The following COL12A1 variants were observed in gnomAD, a reference collection of about 807,000 sequenced individuals.
COL12A1 encodes the protein collagen alpha-1(XII) chain.
Under a neutral mutation model 349.7 loss-of-function variants are expected in COL12A1, and 114 were observed. The ratio of observed to expected loss-of-function variants is 0.33; its 90% CI spans 0.28 to 0.38. The LOEUF (loss-of-function observed/expected upper bound fraction) is 0.38, where lower values mean the gene tolerates loss of function less well. Ranked by LOEUF, COL12A1 falls within the 10% of genes least tolerant of loss-of-function variation. COL12A1 has a pLI of 1.00. For synonymous variants in COL12A1, 1,369 were observed against 1,329.0 expected, an observed-to-expected ratio of 1.03 and a Z score of -0.66; for missense variants, 3,284 against 3,756.9, an observed-to-expected ratio of 0.87 and a Z score of 3.29.
At chr6:75,184,257 G>A in intron 8 of COL12A1, 113 bp from the exon 9 acceptor site, 1 of 1,177,054 alleles carries the variant, frequency 8.5e-7, no homozygotes. Flanking sequence ...TAAATACATT[G>A]AAAAGAGTTG....
chr6:75,139,252 C>T (rs1046173487), intron 27 of COL12A1, among the ~76,000 whole-genome samples: 3 of 152,110 alleles, frequency 2.0e-5, no homozygotes, highest in African/African-American at 7.2e-5. Flanking sequence ...CTCTTTCACA[C>T]AGCAATACAC....
rs1202194413 is a variant in COL12A1, at chr6:75,183,100, T to A, written c.1841A>T (p.Gln614Leu). 1 of 1,614,180 alleles carries A rather than the reference T, an allele frequency of 6.2e-7. No individual in the cohort carries two copies. The highest frequency in any genetic ancestry group is 8.5e-7 in the Non-Finnish European group (1 of 1,180,028). Residue 614 changes from glutamine (Q) to leucine (L), a missense_variant, in exon 10 of 66, where the codon CAG (glutamine) becomes CTG (leucine). This residue lies in a region of COL12A1 where 2,601 missense variants were observed against 2,824.8 expected (regional missense o/e 0.92). Transcript: ENST00000322507. The part of the protein sequence containing the change: ...AFQRISFELT[Q>L]SICLRIEQEL... ...TTGCTCAATTCTAAGGCAGATAGAC[T>A]GTGTGAGTTCAAAAGATATCCTCTG...
chr6:75,143,453 G>A (rs916962490), intron 25 of COL12A1, 65 bp from the exon 26 acceptor site: 1 of 1,550,298 alleles, frequency 6.5e-7, no homozygotes, highest in Admixed American at 2.3e-5. Context: ...AAGCATCCAT[G>A]CAAGCTTTCA....
intron 10 of COL12A1, among the ~76,000 whole-genome samples, chr6:75,182,361 G>GC (rs989302396): frequency 1.8e-4 from 26 of 144,708 alleles, no homozygotes; most frequent in Admixed American, 1.6e-3. Context: ...CCCTCCCCCA[G>GC]CCCCCCCACC....
At chr6:75,135,935 G>C (rs1217061118) in intron 31 of COL12A1, among the ~76,000 whole-genome samples, 1 of 152,070 alleles carries the variant, frequency 6.6e-6, no homozygotes. Context: ...CTCCCATCCA[G>C]CTCCCCAAAA....
At chr6:75,095,229 C>A (rs959162497) in intron 59 of COL12A1, 50 bp from the exon 60 acceptor site, 1 of 1,412,142 alleles carries the variant, frequency 7.1e-7, no homozygotes, top group Admixed American at 1.8e-5. Flanking sequence ...GGGAAAATCC[C>A]ATCTAAAGTA....
chr6:75,200,893 T>C (rs1246928728), intron 2 of COL12A1, among the ~76,000 whole-genome samples: 2 of 151,366 alleles, frequency 1.3e-5, no homozygotes, highest in African/African-American at 4.9e-5. Context: ...AATATAATTA[T>C]TAAATACTAA....
rs1216082575 is a variant in COL12A1, at chr6:75,181,062, C to G, written c.2041G>C (p.Ala681Pro). Residue 681 changes from alanine (A) to proline (P), a missense_variant, in exon 11 of 66, where the codon GCA becomes CCA. Ala to Pro is a conservative substitution (Grantham distance 27). Transcript: ENST00000322507. ...CTGAGAACAACACTGGTGCTCGATG[C>G]TGGCTCCACCACAGTGACCTCATCA... ...GDDEVTVVEP[A>P]SSTSVVLSSL... 6.2e-7 allele frequency: 1 copy of G among 1,614,084 alleles called. No homozygotes were observed.
At chr6:75,181,998 G>C (rs982441350) in intron 10 of COL12A1, among the ~76,000 whole-genome samples, 3 of 151,504 alleles carry the variant, frequency 2.0e-5, no homozygotes, top group African/African-American at 4.9e-5. Context: ...GGGTAGGCTG[G>C]GGTGCGAGAA....
chr6:75,162,777 A>ATATCCAGAATCTACAAAGGGCTAT (rs1768091609), intron 14 of COL12A1, among the ~76,000 whole-genome samples: 1 of 152,252 alleles, frequency 6.6e-6, no homozygotes, highest in Non-Finnish European at 1.5e-5. Context: ...CAAAGGGCTA[A>ATATCCAGAATCTACAAAGGGCTAT]TATCCAGAAT....
At chr6:75,199,636 A>G (rs1770421294) in intron 2 of COL12A1, among the ~76,000 whole-genome samples, 1 of 152,220 alleles carries the variant, frequency 6.6e-6, no homozygotes, top group African/African-American at 2.4e-5. Flanking sequence ...GATAATTAAC[A>G]TACTGTATCA....
At chr6:75,114,263 A>C (rs1354659598) in intron 49 of COL12A1, among the ~76,000 whole-genome samples, 1 of 151,836 alleles carries the variant, frequency 6.6e-6, no homozygotes, top group Non-Finnish European at 1.5e-5. Flanking sequence ...TACACTTCCA[A>C]ATTTCTCCCC....
Position 75,134,726 on chromosome 6 carries a change from T to TGAGTAAGA in COL12A1, c.5523_5524insTCTTACTC (p.Lys1842SerfsTer6). 1 of 1,596,088 alleles carries TGAGTAAGA rather than the reference T, an allele frequency of 6.3e-7. No homozygotes were observed. The highest frequency in any genetic ancestry group is 1.1e-5 in the South Asian group (1 of 87,668). On this transcript the variant is annotated frameshift_variant and splice_region_variant, in exon 32 of 66. Coordinates refer to ENST00000322507, the MANE Select transcript of COL12A1 (RefSeq NM_004370.6). LOFTEE classifies it high-confidence loss of function. ...CTATAGGAACTCAGGTTTCACTTACTGGTCTTGCCTCTTCCCGTCATCCGA... is the reference window on the plus strand; with the variant it reads ...CTATAGGAACTCAGGTTTCACTTACTGAGTAAGAGGTCTTGCCTCTTCCCGTCATCCGA...
chr6:75,131,671 C>T (rs1766306514), intron 35 of COL12A1, among the ~76,000 whole-genome samples: 1 of 152,162 alleles, frequency 6.6e-6, no homozygotes, highest in Non-Finnish European at 1.5e-5. Flanking sequence ...AAACTATTTT[C>T]ATAACAAAGA....
intron 52 of COL12A1, 50 bp downstream of exon 52, chr6:75,108,968 A>G (rs1032201283): frequency 6.4e-7 from 1 of 1,560,818 alleles, no homozygotes; most frequent in Non-Finnish European, 8.7e-7. Context: ...GAAAAATGCC[A>G]TTTCAATCTT....
At chr6:75,184,165 A>T in intron 8 of COL12A1, 21 bp from the exon 9 acceptor site, 1 of 1,607,924 alleles carries the variant, frequency 6.2e-7, no homozygotes, top group Non-Finnish European at 8.5e-7. Context: ...ACAAGCAGAC[A>T]GTGATTAATA....
chr6:75,164,830 T>A (rs1298820728), intron 14 of COL12A1, among the ~76,000 whole-genome samples: 1 of 150,242 alleles, frequency 6.7e-6, no homozygotes, highest in Non-Finnish European at 1.5e-5. Flanking sequence ...AGGTAATTCA[T>A]AATTATTTAC....
rs1021293403 is a variant in COL12A1 at position 75,109,080 on chromosome 6, T to C, written c.8038A>G (p.Ile2680Val). The change falls in exon 52 of 66, where the codon ATA (isoleucine) becomes GTA (valine). Residue 2680 changes from isoleucine (I) to valine (V), a missense_variant. Physicochemically the swap from Ile to Val is conservative, Grantham distance 29 (BLOSUM62 3). Transcript: ENST00000322507. ...AGAATTTCATAACCATCAGTTGTTA[T>C]ATTTCCAGCTTCCTTGATGTCTTTT... ...IEKDIKEAGN[I>V]TTDGYEILGK... 1 of 1,612,634 alleles carries C rather than the reference T, an allele frequency of 6.2e-7. No individual in the cohort carries two copies.
At chr6:75,122,822 C>A (rs571299932) in intron 43 of COL12A1, among the ~76,000 whole-genome samples, 70 of 152,284 alleles carry the variant, frequency 4.6e-4, no homozygotes, top group African/African-American at 1.5e-3. Context: ...GAGAGATCAA[C>A]CTTAATAAAT....
Sources: allele counts gnomAD v4.1 joint callset (sites outside exome capture counted in the v4.1 genomes callset), GRCh38; gene constraint gnomAD v4.1.1; regional missense constraint gnomAD v4.1.1; transcripts MANE v1.5; gene names NCBI Gene and HGNC (gene_info 2026-07-23, HGNC 2026-07-21).